PRDM1: variants seen among roughly 807,000 people sequenced by gnomAD.
PRDM1 encodes PR/SET domain 1.
Under a neutral mutation model 62.8 loss-of-function variants are expected in PRDM1, and 13 were observed. The ratio of observed to expected loss-of-function variants is 0.21; its 90% confidence interval spans 0.13 to 0.33. The LOEUF (loss-of-function observed/expected upper bound fraction) is 0.33, where lower values mean the gene tolerates loss of function less well. Among genes scored for constraint, PRDM1 ranks in the 10% least tolerant of loss-of-function variants. The pLI is 1.00. For missense variants in PRDM1, 895 were observed against 1,058.8 expected, an observed-to-expected ratio of 0.85 and a Z score of 2.15; for synonymous variants, 396 against 417.6, an observed-to-expected ratio of 0.95 and a Z score of 0.63.
intron 1 of PRDM1, among the ~76,000 whole-genome samples, chr6:106,071,516 ATT>A (rs1773520817): frequency 6.6e-6 from 1 of 152,102 alleles, no homozygotes; most frequent in African/African-American, 2.4e-5. Flanking sequence ...TGGATATTGC[ATT>A]GCTGTACCCA....
At chr6:106,022,276 A>G (rs922836852) in intron 1 of PRDM1, among the ~76,000 whole-genome samples, 1 of 152,210 alleles carries the variant, frequency 6.6e-6, no homozygotes, top group Non-Finnish European at 1.5e-5. Flanking sequence ...GGTTAGAGAC[A>G]GGGTCTTGCT....
intron 1 of PRDM1, among the ~76,000 whole-genome samples, chr6:105,998,921 ATATATATATATATTT>A (rs1188062205): frequency 1.4e-3 from 4 of 2,774 alleles, no homozygotes; most frequent in Admixed American, 3.2e-3. Flanking sequence ...ATATATATAT[ATATATATATATATTT>A]TTTTTTTTTT....
At chr6:106,103,421 G>T (rs1774334376) in intron 4 of PRDM1, among the ~76,000 whole-genome samples, 1 of 152,124 alleles carries the variant, frequency 6.6e-6, no homozygotes, top group African/African-American at 2.4e-5. Context: ...TTGCACAAAG[G>T]CTTCAGCATG....
At position 106,107,630 on chromosome 6, in the gene PRDM1, G is replaced by T. The variant is rs1373604239; in HGVS notation, c.*144G>T. The T allele has an allele frequency of 1.5e-5, 9 of 582,466 alleles. No homozygotes were observed. In the Admixed American group the frequency reaches 3.4e-4, roughly 22 times the overall value. 36.1% of individuals were successfully genotyped at this position (582,466 alleles called of 1,614,324 possible). A position where few individuals can be genotyped will look rare whatever the true frequency, so the allele number is the denominator to read the frequency against. On this transcript the variant is annotated 3_prime_UTR_variant, in exon 7 of 7. Transcript: ENST00000369096. ...TCCCCTCACCTCTGGAATTAAAGAA[G>T]GAACTCCAAAGTTACTGAAATCTCA...
At chr6:106,066,482 C>G (rs1380410251) in intron 1 of PRDM1, among the ~76,000 whole-genome samples, 1 of 152,086 alleles carries the variant, frequency 6.6e-6, no homozygotes, top group Non-Finnish European at 1.5e-5. Flanking sequence ...ATGATTCTCC[C>G]ACAGAGCAGG....
chr6:106,038,109 C>T (rs183555598), intron 1 of PRDM1, among the ~76,000 whole-genome samples: 5 of 143,224 alleles, frequency 3.5e-5, no homozygotes, highest in South Asian at 2.3e-4. Flanking sequence ...CTCTGCCTCC[C>T]GGGTAGCTGG....
chr6:106,078,475 T>G (rs1773637247), intron 1 of PRDM1, among the ~76,000 whole-genome samples: 2 of 152,248 alleles, frequency 1.3e-5, no homozygotes, highest in Non-Finnish European at 2.9e-5. Context: ...CAGAGACTGC[T>G]GCTTTTGATG....
At chr6:106,019,229 G>C (rs994720817) in intron 1 of PRDM1, among the ~76,000 whole-genome samples, 15 of 111,326 alleles carry the variant, frequency 1.3e-4, no homozygotes, top group African/African-American at 5.0e-4. Context: ...CCAAGATCAT[G>C]CTGGACAGAG....
intron 1 of PRDM1, among the ~76,000 whole-genome samples, chr6:106,016,649 CTT>C (rs71006665): frequency 4.4e-5 from 6 of 135,784 alleles, no homozygotes; most frequent in Admixed American, 7.6e-5. Flanking sequence ...TCTTTTCTCT[CTT>C]TTTTTTTTTT....
chr6:106,086,341 A>G lies in PRDM1; in HGVS notation c.-213A>G. On this transcript the variant is annotated 5_prime_UTR_variant, in exon 1 of 7. Transcript: ENST00000369096. ...GGAGGGGAAGCCAGACGGTTAACAC[A>G]GACAAAGTGCTGCCGTGACACTCGG... 2.0e-6 allele frequency: 1 copy of G among 495,914 alleles called. No individual in the cohort carries two copies. The highest frequency in any genetic ancestry group is 3.6e-6 in the Non-Finnish European group (1 of 277,138). The allele number at this position is 495,914 out of a possible 1,614,324, so 30.7% of individuals were successfully genotyped here.
At chr6:106,082,565 C>T (rs1335522441), upstream of PRDM1, among the ~76,000 whole-genome samples, 1 of 152,166 alleles carries the variant, frequency 6.6e-6, no homozygotes, top group South Asian at 2.1e-4. Flanking sequence ...TGTAATGATA[C>T]AGGTGGTTCT....
chr6:106,104,437 C>G (rs1774377467), intron 4 of PRDM1, among the ~76,000 whole-genome samples: 1 of 152,172 alleles, frequency 6.6e-6, no homozygotes, highest in Non-Finnish European at 1.5e-5. Context: ...TCTCGAACTT[C>G]CGACCTCAGG....
chr6:106,084,542 T>C (rs529200535), upstream of PRDM1, among the ~76,000 whole-genome samples: 2 of 152,330 alleles, frequency 1.3e-5, no homozygotes, highest in East Asian at 3.9e-4. Context: ...TGCATGATGG[T>C]GTATGTGGCC....
intron 1 of PRDM1, among the ~76,000 whole-genome samples, chr6:106,071,586 T>G (rs1195504985): frequency 6.6e-6 from 1 of 152,180 alleles, no homozygotes; most frequent in Admixed American, 6.5e-5. Flanking sequence ...ATAACTGGAA[T>G]TAGGGGCACA....
chr6:106,026,138 AT>A (rs1458813134), intron 1 of PRDM1, among the ~76,000 whole-genome samples: 1 of 152,210 alleles, frequency 6.6e-6, no homozygotes, highest in Non-Finnish European at 1.5e-5. Context: ...TTTCATTGTA[AT>A]ATAGTCTTCG....
intron 2 of PRDM1, among the ~76,000 whole-genome samples, chr6:106,089,945 G>T (rs899473066): frequency 1.3e-5 from 2 of 152,164 alleles, no homozygotes; most frequent in African/African-American, 4.8e-5. Flanking sequence ...GGTCATCTTT[G>T]CCTTTTAATT....
intron 1 of PRDM1, among the ~76,000 whole-genome samples, chr6:106,015,904 A>G (rs1230772480): frequency 2.0e-5 from 3 of 152,050 alleles, no homozygotes; most frequent in East Asian, 3.8e-4. Flanking sequence ...TTTATTCCCA[A>G]CATTGTACAC....
intron 1 of PRDM1, among the ~76,000 whole-genome samples, chr6:106,060,437 G>A (rs1773329032): frequency 6.6e-6 from 1 of 152,172 alleles, no homozygotes; most frequent in South Asian, 2.1e-4. Context: ...TGATTGCAGA[G>A]CATTGGGGAG....
intron 1 of PRDM1, 26 bp downstream of exon 1, chr6:106,086,621 T>A (rs1773814736): frequency 6.5e-7 from 1 of 1,529,538 alleles, no homozygotes; most frequent in Non-Finnish European, 8.9e-7. Context: ...TTTTTTTTTT[T>A]AATTCTGAAA....
Sources: allele counts gnomAD v4.1 joint callset (sites outside exome capture counted in the v4.1 genomes callset), GRCh38; gene constraint gnomAD v4.1.1; transcripts MANE v1.5; gene names NCBI Gene and HGNC (gene_info 2026-07-23, HGNC 2026-07-21).